DNAH10: variants seen among roughly 807,000 people sequenced by gnomAD.
DNAH10 encodes axonemal beta dynein heavy chain 10.
In DNAH10, 348 loss-of-function variants were observed where a neutral mutation model predicts 506.6. That is an observed-to-expected ratio of 0.69 (90% confidence interval 0.63 to 0.75). The LOEUF (loss-of-function observed/expected upper bound fraction) is 0.75, where lower values mean the gene tolerates loss of function less well. Among genes scored for constraint, DNAH10 ranks in the 30% least tolerant of loss-of-function variants. DNAH10 has a pLI of 0.00. For synonymous variants in DNAH10, 2,059 were observed against 2,198.6 expected (o/e 0.94, Z 1.78); for missense variants, 5,179 against 5,787.1 (o/e 0.89, Z 3.41).
Position 123,915,000 on chromosome 12 carries a change from G to A in DNAH10, c.10722+1G>A. 3 of 1,604,064 alleles carry A rather than the reference G, an allele frequency of 1.9e-6. No homozygotes were observed. Among genetic ancestry groups the A allele is most frequent in the Non-Finnish European group, 2.6e-6 (3 of 1,175,538 alleles). On this transcript the variant is annotated splice_donor_variant, in intron 62 of 78. Coordinates refer to ENST00000673944, the MANE Select transcript of DNAH10 (RefSeq NM_001372106.1). LOFTEE classifies it high-confidence loss of function. ...AAAAGAGGAGAAGAACAATCTGCGG[G>A]TATGGTGGCTCCTCCCAGGGCGTCT...
intron 43 of DNAH10, among the ~76,000 whole-genome samples, chr12:123,869,904 G>A (rs887149154): frequency 4.6e-5 from 7 of 152,162 alleles, no homozygotes; most frequent in East Asian, 1.9e-4. Context: ...CTGCCTTCCC[G>A]CATTGTCCGT....
At chr12:123,827,155 G>A (rs1408173293) in intron 25 of DNAH10, among the ~76,000 whole-genome samples, 1 of 152,068 alleles carries the variant, frequency 6.6e-6, no homozygotes, top group Admixed American at 6.6e-5. Flanking sequence ...TGCTTTTCTC[G>A]AAGATTTAAA....
At chr12:123,776,500 T>G (rs141407850) in intron 5 of DNAH10, among the ~76,000 whole-genome samples, 216 of 152,082 alleles carry the variant, frequency 1.4e-3, no homozygotes, top group Non-Finnish European at 2.5e-3. Context: ...AAGTCATTAC[T>G]GAGATGGAGG....
rs1958472756 is a variant in DNAH10, at chr12:123,801,284, C to T, written c.2466C>T (p.Tyr822=). ...VALQEDKFLR[Y]TAGIQRMLDH... ...ATGACATTCCTGTCATGTGCAGGTA[C>T]ACAGCTGGGATACAGCGCATGTTGG... The change falls in exon 16 of 79, where the codon TAC becomes TAT. Residue 822 remains tyrosine (Y), a synonymous_variant. Coordinates refer to ENST00000673944, the MANE Select transcript of DNAH10 (RefSeq NM_001372106.1). The T allele has an allele frequency of 6.2e-7, 1 of 1,613,628 alleles. No homozygotes were observed. Among genetic ancestry groups the T allele is most frequent in the Non-Finnish European group, 8.5e-7 (1 of 1,179,802 alleles).
In DNAH10 at chr12:123,788,016, G is replaced by A; in HGVS notation, c.1620+14G>A. On this transcript the variant is annotated intron_variant, in intron 10 of 78. Coordinates refer to ENST00000673944, the MANE Select transcript of DNAH10 (RefSeq NM_001372106.1). ...GACGTTCTGCAGGTAGGGGCTGGGC[G>A]AAGGCCGGCGGAATTTGCCCCGAAG... 2 of 1,555,050 alleles carry A rather than the reference G, an allele frequency of 1.3e-6. No individual in the cohort carries two copies. The highest frequency in any genetic ancestry group is 1.7e-6 in the Non-Finnish European group (2 of 1,148,740).
At chr12:123,796,590 A>C in intron 12 of DNAH10, 66 bp from the exon 13 acceptor site, 2 of 1,430,136 alleles carry the variant, frequency 1.4e-6, no homozygotes, top group Non-Finnish European at 1.9e-6. Context: ...AAAGATTCAA[A>C]TCTCATCTTT....
intron 49 of DNAH10, 53 bp downstream of exon 49, chr12:123,879,410 A>G: frequency 6.5e-7 from 1 of 1,540,404 alleles, no homozygotes; most frequent in Non-Finnish European, 8.8e-7. Context: ...AAAATAAACA[A>G]GCGCCAAAAG....
chr12:123,796,119 C>T (rs543074717), intron 12 of DNAH10, among the ~76,000 whole-genome samples: 2 of 152,216 alleles, frequency 1.3e-5, no homozygotes, highest in South Asian at 2.1e-4. Context: ...AGTGTGCATG[C>T]TCTGTAATTG....
chr12:123,844,643 T>C (rs932120324), intron 30 of DNAH10, among the ~76,000 whole-genome samples: 10 of 152,244 alleles, frequency 6.6e-5, no homozygotes, highest in Non-Finnish European at 1.3e-4. Flanking sequence ...GTTGGAATTT[T>C]AATTTTCTTT....
chr12:123,817,008 A>G (rs1241899657), intron 21 of DNAH10, among the ~76,000 whole-genome samples: 1 of 149,842 alleles, frequency 6.7e-6, no homozygotes, highest in Non-Finnish European at 1.5e-5. Flanking sequence ...ATGTGTGGAT[A>G]TTATTCCATC....
At position 123,845,641 on chromosome 12, in the gene DNAH10, C is replaced by A; in HGVS notation, c.5402C>A (p.Ala1801Asp). The A allele has an allele frequency of 6.2e-7, 1 of 1,613,456 alleles. No homozygotes were observed. Among genetic ancestry groups the A allele is most frequent in the Non-Finnish European group, 8.5e-7 (1 of 1,179,860 alleles). The change falls in exon 31 of 79, where the codon GCC becomes GAC. Residue 1801 changes from alanine (A) to aspartate (D), a missense_variant. Ala to Asp is a moderately radical substitution (Grantham distance 126). Coordinates refer to ENST00000673944, the MANE Select transcript of DNAH10 (RefSeq NM_001372106.1). ...MLLYQGMVVL[A>D]ASQVWWTWEV... ...CTGTACCAGGGCATGGTGGTGCTGG[C>A]CGCTAGCCAGGTGTGGTGGACCTGG...
chr12:123,812,756 C>G (rs1157500598), intron 19 of DNAH10, among the ~76,000 whole-genome samples: 2 of 152,150 alleles, frequency 1.3e-5, no homozygotes, highest in Non-Finnish European at 2.9e-5. Flanking sequence ...TCGTGTCTAG[C>G]AGTTGATGAC....
chr12:123,933,737 TC>T, intron 77 of DNAH10, among the ~76,000 whole-genome samples: 1 of 152,250 alleles, frequency 6.6e-6, no homozygotes, highest in East Asian at 1.9e-4. Context: ...AGACCTGGGG[TC>T]TATGGCAGGG....
chr12:123,828,480 G>A (rs543359886), intron 25 of DNAH10, among the ~76,000 whole-genome samples: 3 of 152,302 alleles, frequency 2.0e-5, no homozygotes, highest in Non-Finnish European at 4.4e-5. Context: ...TCTCTCTGTT[G>A]TGCTTATCTG....
intron 21 of DNAH10, among the ~76,000 whole-genome samples, chr12:123,816,668 G>A (rs546963658): frequency 2.1e-4 from 32 of 152,362 alleles, no homozygotes; most frequent in Non-Finnish European, 2.8e-4. Context: ...TGAAGGAGAC[G>A]TGTGTGGGGG....
At position 123,870,437 on chromosome 12, in the gene DNAH10, G is replaced by A. The variant is rs1951982688; in HGVS notation, c.7591G>A (p.Val2531Ile). 6.2e-7 allele frequency: 1 copy of A among 1,613,736 alleles called. No individual in the cohort carries two copies. Among genetic ancestry groups the A allele is most frequent in the Non-Finnish European group, 8.5e-7 (1 of 1,179,892 alleles). The change falls in exon 44 of 79, where the codon GTT becomes ATT. Residue 2531 changes from valine to isoleucine, a missense_variant. Around this residue, in one of 3 missense-constraint regions of DNAH10, gnomAD observed 4,844 missense variants for 5,430.5 expected, o/e 0.89. Coordinates refer to ENST00000673944, the MANE Select transcript of DNAH10 (RefSeq NM_001372106.1). ...TCAATGGGTCCCATGGAGTAAATTAGTTCCAGAGTATATTCATGCCCCCGA... is the reference window on the plus strand; with the variant it reads ...TCAATGGGTCCCATGGAGTAAATTAATTCCAGAGTATATTCATGCCCCCGA... ...RNQWVPWSKL[V>I]PEYIHAPERK...
Position 123,935,573 on chromosome 12 carries a change from G to GCCC in DNAH10, c.*93_*94insCCC. On this transcript the variant is annotated 3_prime_UTR_variant, in exon 79 of 79. Transcript: ENST00000673944. ...GTCATTTCTTGGGGCCTCTCAAGAG[G>GCCC]CAGGAGGGGGACTGACACTGATTTT... is the stretch of plus-strand genomic sequence containing the variant. 1 of 1,336,546 alleles carries GCCC rather than the reference G, an allele frequency of 7.5e-7. No homozygotes were observed. Among genetic ancestry groups the GCCC allele is most frequent in the Non-Finnish European group, 1.0e-6 (1 of 981,396 alleles). 82.8% of individuals were successfully genotyped at this position (1,336,546 alleles called of 1,614,324 possible). A position where few individuals can be genotyped will look rare whatever the true frequency, so the allele number is the denominator to read the frequency against.
At chr12:123,879,515 A>C in intron 49 of DNAH10, 119 bp from the exon 50 acceptor site, 1 of 1,506,014 alleles carries the variant, frequency 6.6e-7, no homozygotes, top group Non-Finnish European at 9.0e-7. Context: ...TCTTGCAGCA[A>C]CTGAAAAAAA....
intron 4 of DNAH10, 135 bp from the exon 5 acceptor site, chr12:123,774,014 G>A (rs1008918275): frequency 1.1e-5 from 7 of 634,848 alleles, no homozygotes; most frequent in Admixed American, 6.4e-5. Context: ...ACAAATAGGG[G>A]ATATTCTGAA....
Sources: allele counts gnomAD v4.1 joint callset (sites outside exome capture counted in the v4.1 genomes callset), GRCh38; gene constraint gnomAD v4.1.1; regional missense constraint gnomAD v4.1.1; transcripts MANE v1.5; gene names NCBI Gene and HGNC (gene_info 2026-07-23, HGNC 2026-07-21).